FBXL20: variants seen among roughly 807,000 people sequenced by gnomAD.
FBXL20 encodes F-box/LRR-repeat protein 20.
A neutral mutation model predicts 64.0 loss-of-function variants in FBXL20; 11 were observed. The observed-to-expected ratio is 0.17, with a 90% CI of 0.11 to 0.28. The LOEUF is 0.28. FBXL20 is among the 10% of genes least tolerant of loss of function. The pLI, the probability that FBXL20 is intolerant of heterozygous loss-of-function variation, is 1.00. For missense variants in FBXL20, 303 were observed against 526.2 expected, an observed-to-expected ratio of 0.58 and a Z score of 4.15; for synonymous variants, 184 against 189.0, an observed-to-expected ratio of 0.97 and a Z score of 0.22.
chr17:39,271,955 T>G (rs2046847910), intron 10 of FBXL20, among the ~76,000 whole-genome samples: 1 of 151,962 alleles, frequency 6.6e-6, no homozygotes, highest in Non-Finnish European at 1.5e-5. Context: ...TGAAAATCAA[T>G]GAGAAATGGA....
intron 6 of FBXL20, among the ~76,000 whole-genome samples, chr17:39,295,197 C>T (rs1188365823): frequency 1.3e-5 from 2 of 152,060 alleles, no homozygotes; most frequent in Non-Finnish European, 2.9e-5. Context: ...GTATATGTTT[C>T]AAATTTTCAT....
chr17:39,366,915 G>A (rs945506318), intron 1 of FBXL20, among the ~76,000 whole-genome samples: 6 of 143,346 alleles, frequency 4.2e-5, no homozygotes, highest in South Asian at 2.2e-4. Flanking sequence ...ATGGAGCCTC[G>A]CTCTGTCAGC....
intron 1 of FBXL20, among the ~76,000 whole-genome samples, chr17:39,373,730 A>G (rs2144640690): frequency 6.6e-6 from 1 of 152,310 alleles, no homozygotes; most frequent in Non-Finnish European, 1.5e-5. Context: ...CTAGCCTACT[A>G]GGCTGTAGTT....
intron 1 of FBXL20, among the ~76,000 whole-genome samples, chr17:39,356,545 G>A (rs940567699): frequency 1.3e-5 from 2 of 151,960 alleles, no homozygotes; most frequent in African/African-American, 2.4e-5. Flanking sequence ...TTATAGAGAC[G>A]GGATTTCGCC....
At chr17:39,286,789 ACT>A (rs1357478209) in intron 6 of FBXL20, among the ~76,000 whole-genome samples, 1 of 150,934 alleles carries the variant, frequency 6.6e-6, no homozygotes, top group South Asian at 2.1e-4. Context: ...CAAGAGTGAA[ACT>A]CTGTCTCAAA....
chr17:39,323,636 C>T (rs540199601), intron 2 of FBXL20, among the ~76,000 whole-genome samples: 51 of 152,256 alleles, frequency 3.3e-4, no homozygotes, highest in African/African-American at 1.2e-3. Flanking sequence ...CAAGGCCTTA[C>T]TATTCAAAGG....
At chr17:39,387,740 G>T (rs2048096532) in intron 1 of FBXL20, among the ~76,000 whole-genome samples, 2 of 151,934 alleles carry the variant, frequency 1.3e-5, no homozygotes, top group African/African-American at 4.8e-5. Context: ...ATCATGCCCA[G>T]CTAATTTTTA....
rs2144324518 is a variant in FBXL20 at position 39,259,045 on chromosome 17, A to G, written c.*2415T>C. 6.6e-6 allele frequency: 1 copy of G among 152,344 alleles called. No individual in the cohort carries two copies. Among genetic ancestry groups the G allele is most frequent in the Admixed American group, 6.5e-5 (1 of 15,286 alleles). The allele number at this position is 152,344 out of a possible 1,614,324, so 9.4% of individuals were successfully genotyped here. The stretch of plus-strand genomic sequence containing the variant: ...CAGGATTTAAAATAAATTTAATATG[A>G]TAAATATTAATGGATAGTATAGACT... On this transcript the variant is annotated 3_prime_UTR_variant, in exon 15 of 15. Coordinates refer to ENST00000264658, the MANE Select transcript of FBXL20 (RefSeq NM_032875.3).
At position 39,254,328 on chromosome 17, in the gene FBXL20, T is replaced by G. The variant is rs1356997670; in HGVS notation, c.*7132A>C. ...TCCCAAAGTGCTGGGATTACAGGCG[T>G]GAGCCACCACGCCTGGCTGCAAAGT... On this transcript the variant is annotated 3_prime_UTR_variant, in exon 15 of 15. Coordinates refer to ENST00000264658, the MANE Select transcript of FBXL20 (RefSeq NM_032875.3). The G allele has an allele frequency of 6.6e-6, 1 of 152,356 alleles. No homozygotes were observed. The highest frequency in any genetic ancestry group is 2.4e-5 in the African/African-American group (1 of 41,464). 9.4% of individuals were successfully genotyped at this position (152,356 alleles called of 1,614,324 possible).
At chr17:39,331,203 C>G (rs1173203398) in intron 2 of FBXL20, among the ~76,000 whole-genome samples, 1 of 152,162 alleles carries the variant, frequency 6.6e-6, no homozygotes, top group East Asian at 1.9e-4. Context: ...GGGGTTCAAG[C>G]GATTCTTCTG....
At chr17:39,309,065 C>G (rs1477024257) in intron 2 of FBXL20, among the ~76,000 whole-genome samples, 1 of 152,126 alleles carries the variant, frequency 6.6e-6, no homozygotes, top group Non-Finnish European at 1.5e-5. Flanking sequence ...AAAGTTCCAG[C>G]AAAGCCATTT....
chr17:39,371,738 A>G (rs1410141745), intron 1 of FBXL20, among the ~76,000 whole-genome samples: 1 of 149,768 alleles, frequency 6.7e-6, no homozygotes, highest in Non-Finnish European at 1.5e-5. Context: ...TCGGCTCACC[A>G]CAACCTCCGC....
intron 6 of FBXL20, among the ~76,000 whole-genome samples, chr17:39,291,563 A>G (rs965969988): frequency 6.7e-6 from 1 of 149,584 alleles, no homozygotes; most frequent in African/African-American, 2.5e-5. Context: ...TCTCCCAAGT[A>G]TCTGGGACCA....
chr17:39,267,928 T>G (rs1486452856), intron 12 of FBXL20, among the ~76,000 whole-genome samples: 1 of 152,160 alleles, frequency 6.6e-6, no homozygotes, highest in Non-Finnish European at 1.5e-5. Flanking sequence ...AAACAAAAAA[T>G]TTTTTAGAAA....
At position 39,257,824 on chromosome 17, in the gene FBXL20, T is replaced by C. The variant is rs976815066; in HGVS notation, c.*3636A>G. Reference sequence around the variant, plus strand: ...CTGAGGGTGAGATGGAGGCTTTAAATAGAGGGAAAGGATGGGTGTGGGAAG... The same window carrying C: ...CTGAGGGTGAGATGGAGGCTTTAAACAGAGGGAAAGGATGGGTGTGGGAAG... On this transcript the variant is annotated 3_prime_UTR_variant, in exon 15 of 15. Transcript: ENST00000264658. 5 of 152,534 alleles carry C rather than the reference T, an allele frequency of 3.3e-5. No homozygotes were observed. The highest frequency in any genetic ancestry group is 4.1e-4 in the South Asian group (2 of 4,822). 9.4% of individuals were successfully genotyped at this position (152,534 alleles called of 1,614,324 possible). A position where few individuals can be genotyped will look rare whatever the true frequency, so the allele number is the denominator to read the frequency against.
intron 1 of FBXL20, among the ~76,000 whole-genome samples, chr17:39,399,101 T>C (rs2048215954): frequency 6.6e-6 from 1 of 152,232 alleles, no homozygotes; most frequent in Admixed American, 6.5e-5. Flanking sequence ...ATCAACTATC[T>C]GAAAATCATA....
At chr17:39,359,420 C>T (rs2047773208) in intron 1 of FBXL20, among the ~76,000 whole-genome samples, 1 of 151,906 alleles carries the variant, frequency 6.6e-6, no homozygotes, top group Non-Finnish European at 1.5e-5. Context: ...GTCAGGAGTT[C>T]AAGACCAGCC....
rs1004397306 is a variant in FBXL20, at chr17:39,260,220, A to G, written c.*1240T>C. 3 of 152,158 alleles carry G rather than the reference A, an allele frequency of 2.0e-5. No individual in the cohort carries two copies. The highest frequency in any genetic ancestry group is 7.2e-5 in the African/African-American group (3 of 41,434). The allele number at this position is 152,158 out of a possible 1,614,324, so 9.4% of individuals were successfully genotyped here. A position where few individuals can be genotyped will look rare whatever the true frequency, so the allele number is the denominator to read the frequency against. On this transcript the variant is annotated 3_prime_UTR_variant, in exon 15 of 15. Coordinates refer to ENST00000264658, the MANE Select transcript of FBXL20 (RefSeq NM_032875.3). ...CTCTAGTGGCATTCCTGTTAAAACA[A>G]CCTCATAGGTCAGAGATGCCACTGA...
chr17:39,362,922 A>C (rs2047812741), intron 1 of FBXL20, among the ~76,000 whole-genome samples: 1 of 148,850 alleles, frequency 6.7e-6, no homozygotes, highest in Non-Finnish European at 1.5e-5. Flanking sequence ...CTGGCCTAGT[A>C]AACTTTTCTT....
Sources: gnomAD v4.1 joint callset for allele counts (sites outside exome capture counted in the v4.1 genomes callset) on GRCh38, gnomAD v4.1.1 for gene constraint, MANE v1.5 for transcripts, NCBI Gene and HGNC (gene_info 2026-07-23, HGNC 2026-07-21) for gene names.